The following TLE3 variants were observed in gnomAD, a reference collection of about 807,000 sequenced individuals.
TLE3 encodes TLE family member 3, transcriptional corepressor, also known as transducin-like enhancer protein 3.
A neutral mutation model predicts 93.0 loss-of-function variants in TLE3; 14 were observed. The observed-to-expected ratio is 0.15, with a 90% CI of 0.10 to 0.24. The LOEUF is 0.24. TLE3 is among the 10% of genes least tolerant of loss of function. The pLI is 1.00. For missense variants in TLE3, 693 were observed against 1,046.6 expected (o/e 0.66, Z 4.66); for synonymous variants, 451 against 425.0 (o/e 1.06, Z -0.75).
At chr15:70,089,355 G>C (rs957185288) in intron 4 of TLE3, among the ~76,000 whole-genome samples, 1 of 152,086 alleles carries the variant, frequency 6.6e-6, no homozygotes, top group African/African-American at 2.4e-5. Context: ...TGTCTTATTC[G>C]GCTGTGTAAC....
chr15:70,078,936 C>CA (rs1211943738), intron 4 of TLE3, among the ~76,000 whole-genome samples: 3 of 152,148 alleles, frequency 2.0e-5, no homozygotes, highest in Non-Finnish European at 4.4e-5. Context: ...CGGGAGTTGA[C>CA]AAAAAAGAAA....
chr15:70,063,386 T>A (rs1481469848), intron 8 of TLE3, among the ~76,000 whole-genome samples: 1 of 152,214 alleles, frequency 6.6e-6, no homozygotes, highest in Non-Finnish European at 1.5e-5. Flanking sequence ...TAGCCATTCC[T>A]CAGCCCAAAT....
intron 18 of TLE3, among the ~76,000 whole-genome samples, chr15:70,052,023 G>A (rs2055597462): frequency 6.6e-6 from 1 of 152,244 alleles, no homozygotes; most frequent in African/African-American, 2.4e-5. Context: ...CAGTGGAGGA[G>A]CAGACATTCC....
chr15:70,076,035 C>T (rs2057425181), intron 5 of TLE3, 61 bp downstream of exon 5: 2 of 1,523,356 alleles, frequency 1.3e-6, no homozygotes, highest in African/African-American at 1.4e-5. Context: ...TCCAGTGAGA[C>T]CCCACCAGCC....
At chr15:70,088,071 G>A (rs987906316) in intron 4 of TLE3, among the ~76,000 whole-genome samples, 1 of 152,082 alleles carries the variant, frequency 6.6e-6, no homozygotes, top group Non-Finnish European at 1.5e-5. Flanking sequence ...TCTCCAACAC[G>A]GTGACCCCTC....
intron 2 of TLE3, 101 bp from the exon 3 acceptor site, chr15:70,095,742 A>AC (rs534261050): frequency 1.1e-4 from 157 of 1,377,250 alleles, no homozygotes; most frequent in Non-Finnish European, 1.4e-4. Flanking sequence ...CTTTCCTGAC[A>AC]CCCCCCCGGG....
intron 10 of TLE3, among the ~76,000 whole-genome samples, chr15:70,059,098 G>A (rs2056292771): frequency 6.6e-6 from 1 of 152,184 alleles, no homozygotes. Flanking sequence ...TCCTCCTCAG[G>A]CCCCTGAGGC....
At chr15:70,078,347 A>G (rs1352493696) in intron 4 of TLE3, among the ~76,000 whole-genome samples, 3 of 152,236 alleles carry the variant, frequency 2.0e-5, no homozygotes, top group Admixed American at 6.5e-5. Context: ...CTCACCTTTG[A>G]GTTCATGCAC....
intron 4 of TLE3, among the ~76,000 whole-genome samples, chr15:70,077,046 G>A (rs886598542): frequency 6.6e-6 from 1 of 152,112 alleles, no homozygotes; most frequent in Admixed American, 6.5e-5. Context: ...ATATAGCATT[G>A]CCTTGTCTAA....
chr15:70,093,955 A>G (rs1373399882), intron 4 of TLE3, among the ~76,000 whole-genome samples: 1 of 152,198 alleles, frequency 6.6e-6, no homozygotes, highest in African/African-American at 2.4e-5. Flanking sequence ...CTGCCTTCAA[A>G]TCAAGACAGG....
chr15:70,057,181 GGT>G (rs1472374559), intron 13 of TLE3, among the ~76,000 whole-genome samples: 3 of 152,248 alleles, frequency 2.0e-5, no homozygotes, highest in Non-Finnish European at 4.4e-5. Flanking sequence ...GGGAAAGCCA[GGT>G]GTCAGCCCCG....
intron 1 of TLE3, 39 bp downstream of exon 1, chr15:70,096,736 A>T: frequency 4.3e-6 from 7 of 1,611,320 alleles, no homozygotes; most frequent in Non-Finnish European, 5.9e-6. Flanking sequence ...TTACCCTGCC[A>T]TGATAGATGC....
Position 70,050,155 on chromosome 15 carries a change from T to C in TLE3, c.2252A>G (p.Lys751Arg). ...VLSCDISADD[K>R]YIVTGSGDKK... is the part of the protein sequence containing the mutation. Reference sequence around the variant, plus strand: ...GTCACCAGAGCCTGTTACAATGTATTTGTCATCCGCTGAAATGTCACAACT... The same window carrying C: ...GTCACCAGAGCCTGTTACAATGTATCTGTCATCCGCTGAAATGTCACAACT... Residue 751 changes from lysine to arginine, a missense_variant, in exon 20 of 20, where the codon AAA becomes AGA. By Grantham distance (26) the Lys-to-Arg change is conservative. Around this residue, in one of 4 missense-constraint regions of TLE3, gnomAD observed 153 missense variants for 379.9 expected, o/e 0.40. Transcript: ENST00000451782. 6.2e-7 allele frequency: 1 copy of C among 1,614,112 alleles called. No homozygotes were observed. Among genetic ancestry groups the C allele is most frequent in the South Asian group, 1.1e-5 (1 of 91,090 alleles).
intron 4 of TLE3, among the ~76,000 whole-genome samples, chr15:70,077,255 G>A (rs1292841632): frequency 1.3e-5 from 2 of 152,186 alleles, no homozygotes; most frequent in Non-Finnish European, 2.9e-5. Flanking sequence ...ACTGAGTCCA[G>A]ATAGAAAGGC....
chr15:70,069,525 C>A (rs1473781530), intron 6 of TLE3, among the ~76,000 whole-genome samples: 2 of 152,206 alleles, frequency 1.3e-5, no homozygotes, highest in African/African-American at 2.4e-5. Flanking sequence ...AAGGAATCTC[C>A]CATGCAAAAC....
intron 6 of TLE3, among the ~76,000 whole-genome samples, chr15:70,070,060 A>G (rs1017311573): frequency 1.3e-5 from 2 of 152,238 alleles, no homozygotes; most frequent in African/African-American, 2.4e-5. Context: ...ATTCCTTCCA[A>G]TATGGGAACT....
rs967084619 is a variant in TLE3, at chr15:70,097,235, G to A, written c.-437C>T. 2.7e-5 allele frequency: 11 copies of A among 401,664 alleles called. No homozygotes were observed. The highest frequency in any genetic ancestry group is 2.1e-5 in the African/African-American group (1 of 48,236). 24.9% of individuals were successfully genotyped at this position (401,664 alleles called of 1,614,324 possible). A position where few individuals can be genotyped will look rare whatever the true frequency, so the allele number is the denominator to read the frequency against. ...GTCACTCAGCGGGTCGCGCCTGTAG[G>A]GGGGCGCGCCGGGGCAGCCCCAAGC... On this transcript the variant is annotated 5_prime_UTR_variant, in exon 1 of 20. Transcript: ENST00000451782.
At chr15:70,096,342 G>A in intron 1 of TLE3, 81 bp from the exon 2 acceptor site, 3 of 1,520,330 alleles carry the variant, frequency 2.0e-6, no homozygotes, top group Middle Eastern at 2.1e-4. Context: ...CTCCCCAACG[G>A]CGCCCAACCA....
At chr15:70,091,028 G>A (rs905572954) in intron 4 of TLE3, among the ~76,000 whole-genome samples, 1 of 152,346 alleles carries the variant, frequency 6.6e-6, no homozygotes, top group East Asian at 1.9e-4. Context: ...GGTTGGAAGG[G>A]AAGCAGCAGT....
Sources: gnomAD v4.1 joint callset for allele counts (sites outside exome capture counted in the v4.1 genomes callset) on GRCh38, gnomAD v4.1.1 for gene constraint, gnomAD v4.1.1 regional missense constraint, MANE v1.5 for transcripts, NCBI Gene and HGNC (gene_info 2026-07-23, HGNC 2026-07-21) for gene names.